The following KLC2 variants were observed in gnomAD, a reference collection of about 807,000 sequenced individuals.
The protein encoded by KLC2 is kinesin light chain 2, also known as KLC 2.
Under a neutral mutation model 75.1 loss-of-function variants are expected in KLC2, and 35 were observed. The ratio of observed to expected loss-of-function variants is 0.47; its 90% CI spans 0.36 to 0.62. The LOEUF is 0.62. Ranked by LOEUF, KLC2 falls within the 20% of genes least tolerant of loss-of-function variation. The pLI is 0.00. For synonymous variants in KLC2, 314 were observed against 336.7 expected (o/e 0.93, Z 0.74); for missense variants, 611 against 833.2 (o/e 0.73, Z 3.28).
rs1228074148 is a variant in KLC2, at chr11:66,267,365, G to T, written c.*409G>T. ...TATAGAGAAATAAGTTATTGGCCGC[G>T]CGCCTCCCTTCAGTCCACGGTACTA... On this transcript the variant is annotated 3_prime_UTR_variant, in exon 16 of 16. Coordinates refer to ENST00000394067, the MANE Select transcript of KLC2 (RefSeq NM_001318734.2). 1.4e-6 allele frequency: 1 copy of T among 730,190 alleles called. No individual in the cohort carries two copies. Among genetic ancestry groups the T allele is most frequent in the East Asian group, 2.7e-5 (1 of 37,302 alleles). The allele number at this position is 730,190 out of a possible 1,614,324, so 45.2% of individuals were successfully genotyped here.
upstream of KLC2, among the ~76,000 whole-genome samples, chr11:66,254,301 T>A (rs1280384716): frequency 2.6e-5 from 4 of 152,150 alleles, no homozygotes; most frequent in East Asian, 7.7e-4. Context: ...TTTCTTCACC[T>A]GCAAAACAGA....
the KLC2 span, among the ~76,000 whole-genome samples, chr11:66,251,904 C>T: frequency 2.0e-5 from 3 of 152,204 alleles, no homozygotes; most frequent in East Asian, 5.8e-4. Flanking sequence ...CTGGGTAGAG[C>T]TCAGGGGACT....
At chr11:66,248,984 C>G in the KLC2 span, among the ~76,000 whole-genome samples, 1 of 152,186 alleles carries the variant, frequency 6.6e-6, no homozygotes, top group African/African-American at 2.4e-5. Flanking sequence ...TACCTTGCCT[C>G]CCAAAGTGCT....
the KLC2 span, among the ~76,000 whole-genome samples, chr11:66,245,937 C>T: frequency 2.0e-5 from 3 of 152,216 alleles, no homozygotes; most frequent in Non-Finnish European, 2.9e-5. Flanking sequence ...GCTTGGCATC[C>T]TTGCCCTACA....
At chr11:66,257,087 C>A (rs190099601), upstream of KLC2, among the ~76,000 whole-genome samples, 1 of 152,192 alleles carries the variant, frequency 6.6e-6, no homozygotes, top group South Asian at 2.1e-4. Flanking sequence ...GAAGACAGAG[C>A]TAGGGCTGTG....
At chr11:66,243,989 T>C in the KLC2 span, 1 of 152,336 alleles carries the variant, frequency 6.6e-6, no homozygotes, top group Admixed American at 6.5e-5. Context: ...CACCCCCAGG[T>C]TCCCTGCAGA....
intron 14 of KLC2, 102 bp downstream of exon 14, chr11:66,266,319 C>A: frequency 6.7e-7 from 1 of 1,491,352 alleles, no homozygotes; most frequent in Non-Finnish European, 9.1e-7. Flanking sequence ...CTCCCCATCC[C>A]TCTCAGGCTC....
chr11:66,244,072 C>T, the KLC2 span: 1 of 152,462 alleles, frequency 6.6e-6, no homozygotes, highest in African/African-American at 2.4e-5. Context: ...GTGACACACC[C>T]TGTGCACTGG....
At chr11:66,255,633 T>G (rs1856002008), upstream of KLC2, among the ~76,000 whole-genome samples, 1 of 152,298 alleles carries the variant, frequency 6.6e-6, no homozygotes, top group African/African-American at 2.4e-5. Flanking sequence ...AGCTCAGCAC[T>G]GATGCAAATA....
chr11:66,261,527 G>A, intron 2 of KLC2: 1 of 537,816 alleles, frequency 1.9e-6, no homozygotes, highest in Non-Finnish European at 3.3e-6. Context: ...AAGGAACTGG[G>A]GACTCCCAAG....
rs749829490 is a variant in KLC2, at chr11:66,266,645, A to G, written c.1785+155A>G. The G allele has an allele frequency of 4.5e-6, 4 of 897,696 alleles. No homozygotes were observed. In the East Asian group the frequency reaches 1.0e-4, roughly 23 times the overall value. 55.6% of individuals were successfully genotyped at this position (897,696 alleles called of 1,614,324 possible). ...TGGACAACGGGGAGACACGAGGGGA[A>G]CCCAGCCTCTCCTGGGGGTGGACGT... On this transcript the variant is annotated intron_variant, in intron 15 of 15. Transcript: ENST00000394067.
intron 9 of KLC2, 151 bp downstream of exon 9, chr11:66,264,595 T>C (rs1314490893): frequency 3.0e-6 from 2 of 671,770 alleles, no homozygotes; most frequent in African/African-American, 1.8e-5. Flanking sequence ...CAGCCACCTG[T>C]GCTCACGTTT....
chr11:66,257,200 T>C (rs1229587026), upstream of KLC2: 1 of 152,234 alleles, frequency 6.6e-6, no homozygotes, highest in Non-Finnish European at 1.5e-5. Context: ...TGTCACCGGA[T>C]GTGCTTGAGC....
chr11:66,249,694 T>C, the KLC2 span, among the ~76,000 whole-genome samples: 4 of 152,120 alleles, frequency 2.6e-5, no homozygotes, highest in Non-Finnish European at 5.9e-5. Context: ...TAACCACTTA[T>C]GTTGCGACCT....
At chr11:66,266,348 T>TAC in intron 14 of KLC2, 85 bp from the exon 15 acceptor site, 1 of 1,487,634 alleles carries the variant, frequency 6.7e-7, no homozygotes, top group Non-Finnish European at 9.2e-7. Context: ...ACCAGTCTGT[T>TAC]CCCTCCCCAG....
At chr11:66,260,332 AC>A (rs1271951036) in intron 2 of KLC2, among the ~76,000 whole-genome samples, 4 of 152,180 alleles carry the variant, frequency 2.6e-5, no homozygotes, top group African/African-American at 4.8e-5. Context: ...GGGGCCGCAC[AC>A]CTGGTGGAGC....
At chr11:66,264,244 G>A (rs745610525) in intron 8 of KLC2, 25 bp downstream of exon 8, 2 of 1,567,764 alleles carry the variant, frequency 1.3e-6, no homozygotes, top group Non-Finnish European at 1.7e-6. Flanking sequence ...AGAGGAGCTG[G>A]AGGATGGGAA....
chr11:66,248,129 C>T, the KLC2 span, among the ~76,000 whole-genome samples: 6 of 152,288 alleles, frequency 3.9e-5, no homozygotes, highest in South Asian at 1.2e-3. Flanking sequence ...CTCTATCTAA[C>T]CTGCACGCCA....
At chr11:66,256,802 C>T (rs1856055145), upstream of KLC2, among the ~76,000 whole-genome samples, 1 of 152,084 alleles carries the variant, frequency 6.6e-6, no homozygotes, top group South Asian at 2.1e-4. Flanking sequence ...GGACAGGTGG[C>T]ATCCTTATTA....
Sources: gnomAD v4.1 joint callset for allele counts (sites outside exome capture counted in the v4.1 genomes callset) on GRCh38, gnomAD v4.1.1 for gene constraint, MANE v1.5 for transcripts, NCBI Gene and HGNC (gene_info 2026-07-23, HGNC 2026-07-21) for gene names.